Variants in HECW2 observed in about 807,000 individuals in gnomAD.
HECW2 encodes the protein HECT, C2 and WW domain containing E3 ubiquitin protein ligase 2.
In HECW2, 61 loss-of-function variants were observed where a neutral mutation model predicts 175.2. The ratio of observed to expected loss-of-function variants is 0.35; its 90% CI spans 0.28 to 0.43. The LOEUF is 0.43. Ranked by LOEUF, HECW2 falls within the 20% of genes least tolerant of loss-of-function variation. The probability of loss-of-function intolerance (pLI) is 1.00; values close to 1 mark genes in which losing one functional copy is unlikely to be tolerated. For synonymous variants in HECW2, 671 were observed against 731.0 expected (o/e 0.92, Z 1.32); for missense variants, 1,524 against 2,000.5 (o/e 0.76, Z 4.54).
chr2:196,220,879 C>T lies in HECW2; in HGVS notation c.4209G>A (p.Lys1403=). 2 of 1,614,136 alleles carry T rather than the reference C, an allele frequency of 1.2e-6. No individual in the cohort carries two copies. Among genetic ancestry groups the T allele is most frequent in the Non-Finnish European group, 1.7e-6 (2 of 1,179,986 alleles). The change falls in exon 25 of 29, where the codon AAG becomes AAA. Residue 1403 remains lysine, a synonymous_variant. Transcript: ENST00000644978. ...ANIPVTEKNK[K]EYIERMVKWR... is the part of the protein sequence containing the mutation. ...ACTTCACCATCCTCTCGATGTACTC[C>T]TTCTTGTTCTTCTCTGTAACTGGGA...
chr2:196,337,058 C>T (rs1038714723), intron 3 of HECW2, among the ~76,000 whole-genome samples: 1 of 152,184 alleles, frequency 6.6e-6, no homozygotes, highest in African/African-American at 2.4e-5. Flanking sequence ...GAATGTTCCA[C>T]TCTGAGTGGG....
intron 13 of HECW2, among the ~76,000 whole-genome samples, chr2:196,295,316 G>A (rs1350804885): frequency 6.6e-6 from 1 of 152,194 alleles, no homozygotes; most frequent in Admixed American, 6.5e-5. Context: ...CTTCAGCTAA[G>A]TAACAGTTTT....
At chr2:196,502,779 C>T (rs934819826) in intron 1 of HECW2, among the ~76,000 whole-genome samples, 36 of 152,348 alleles carry the variant, frequency 2.4e-4, no homozygotes, top group Admixed American at 2.0e-3. Context: ...GCATGCTCTT[C>T]ACCCAGCCTT....
At position 196,320,348 on chromosome 2, in the gene HECW2, C is replaced by G. The variant is rs79039890; in HGVS notation, c.976G>C (p.Val326Leu). The G allele has an allele frequency of 2.5e-5, 40 of 1,600,376 alleles. No individual in the cohort carries two copies. The East Asian group carries it at 3.8e-4, about 15-fold the overall frequency. The change falls in exon 8 of 29, where the codon GTT becomes CTT. Residue 326 changes from valine (V) to leucine (L), a missense_variant. Physicochemically the swap from Val to Leu is conservative, Grantham distance 32. Transcript: ENST00000644978. ...TATATTTATATCTCACCTTCATGAA[C>G]AGAAGACGTAACCTCCACTTTAAAC... Reference protein sequence around the residue: ...LQFKVEVTSSVHEDASPEAVG... With the variant: ...LQFKVEVTSSLHEDASPEAVG...
intron 1 of HECW2, among the ~76,000 whole-genome samples, chr2:196,440,653 T>C (rs758602519): frequency 1.3e-5 from 2 of 152,340 alleles, no homozygotes; most frequent in East Asian, 3.9e-4. Context: ...TGCTTCTTGA[T>C]TTCACATTTC....
At chr2:196,307,324 C>T in intron 11 of HECW2, 91 bp from the exon 12 acceptor site, 1 of 805,888 alleles carries the variant, frequency 1.2e-6, no homozygotes, top group South Asian at 1.7e-5. Context: ...TCACTATCTT[C>T]TCAGCTTCAA....
At chr2:196,299,425 C>T (rs1690947756) in intron 13 of HECW2, among the ~76,000 whole-genome samples, 1 of 151,784 alleles carries the variant, frequency 6.6e-6, no homozygotes, top group Admixed American at 6.6e-5. Context: ...GTAACAAACA[C>T]GGTAAGGACA....
chr2:196,287,480 T>C (rs2106014772), intron 14 of HECW2, among the ~76,000 whole-genome samples: 1 of 152,322 alleles, frequency 6.6e-6, no homozygotes, highest in South Asian at 2.1e-4. Context: ...TAATATTGTT[T>C]GAGAGTCTAA....
At chr2:196,463,405 C>CAA (rs34754004) in intron 1 of HECW2, among the ~76,000 whole-genome samples, 157 of 55,688 alleles carry the variant, frequency 2.8e-3, no homozygotes, top group African/African-American at 8.2e-3. Flanking sequence ...CTCTACCCTG[C>CAA]AAAAAAAAAA....
chr2:196,337,308 G>A (rs1031647825), intron 3 of HECW2, among the ~76,000 whole-genome samples: 1 of 141,844 alleles, frequency 7.1e-6, no homozygotes, highest in African/African-American at 2.9e-5. Context: ...CTGACTGCAA[G>A]AGGAGCATTT....
intron 1 of HECW2, among the ~76,000 whole-genome samples, chr2:196,527,120 A>C (rs1001539402): frequency 6.6e-6 from 1 of 152,176 alleles, no homozygotes; most frequent in African/African-American, 2.4e-5. Context: ...CTGTGCTAGC[A>C]ATCAGCGAGA....
intron 1 of HECW2, among the ~76,000 whole-genome samples, chr2:196,546,870 G>C (rs1689442360): frequency 6.6e-6 from 1 of 151,648 alleles, no homozygotes; most frequent in African/African-American, 2.4e-5. Context: ...TAAAGCAGGA[G>C]AGGCCAAGAA....
chr2:196,470,489 T>G (rs1697151279), intron 1 of HECW2, among the ~76,000 whole-genome samples: 2 of 152,242 alleles, frequency 1.3e-5, no homozygotes, highest in African/African-American at 2.4e-5. Flanking sequence ...TCTGTTTATC[T>G]TCGTCTCTTG....
intron 2 of HECW2, among the ~76,000 whole-genome samples, chr2:196,431,060 T>A (rs538160268): frequency 6.6e-6 from 1 of 152,220 alleles, no homozygotes; most frequent in East Asian, 1.9e-4. Flanking sequence ...AAAAGACATG[T>A]AACATACAGG....
chr2:196,351,275 C>T (rs1693162141), intron 2 of HECW2, among the ~76,000 whole-genome samples: 1 of 151,528 alleles, frequency 6.6e-6, no homozygotes, highest in Non-Finnish European at 1.5e-5. Flanking sequence ...CATAATATTC[C>T]ACACACAGAG....
At chr2:196,487,374 C>T (rs1377347289) in intron 1 of HECW2, among the ~76,000 whole-genome samples, 1 of 152,098 alleles carries the variant, frequency 6.6e-6, no homozygotes, top group Non-Finnish European at 1.5e-5. Context: ...CCAAGTGGTG[C>T]CATGAGCTGT....
chr2:196,292,347 C>G, intron 14 of HECW2: 1 of 466,310 alleles, frequency 2.1e-6, no homozygotes, highest in Non-Finnish European at 3.8e-6. Context: ...GCTTTGCCAG[C>G]GTCACAGCCC....
At chr2:196,286,158 G>A (rs1427878167) in intron 14 of HECW2, among the ~76,000 whole-genome samples, 1 of 152,106 alleles carries the variant, frequency 6.6e-6, no homozygotes, top group Non-Finnish European at 1.5e-5. Flanking sequence ...CTGACAGCAT[G>A]TAATTGACCA....
intron 2 of HECW2, among the ~76,000 whole-genome samples, chr2:196,387,693 T>C (rs1694389116): frequency 6.6e-6 from 1 of 152,146 alleles, no homozygotes; most frequent in Admixed American, 6.6e-5. Context: ...CATATCTATA[T>C]ATAGAGAGAG....
Sources: gnomAD v4.1 joint callset for allele counts (sites outside exome capture counted in the v4.1 genomes callset) on GRCh38, gnomAD v4.1.1 for gene constraint, MANE v1.5 for transcripts, NCBI Gene and HGNC (gene_info 2026-07-23, HGNC 2026-07-21) for gene names.